CTNNA3: variants seen among roughly 807,000 people sequenced by gnomAD.
CTNNA3 encodes catenin alpha-3.
CTNNA3 carries 76 observed loss-of-function variants against 95.7 expected under a neutral mutation model. The ratio of observed to expected loss-of-function variants is 0.79; its 90% CI spans 0.66 to 0.96. The LOEUF (loss-of-function observed/expected upper bound fraction) is 0.96, where lower values mean the gene tolerates loss of function less well. Ranked by LOEUF, CTNNA3 falls within the 40% of genes least tolerant of loss-of-function variation. The pLI is 0.00. For synonymous variants in CTNNA3, 431 were observed against 374.4 expected (o/e 1.15, Z -1.74); for missense variants, 1,191 against 1,089.8 (o/e 1.09, Z -1.31).
At chr10:65,988,848 G>A in intron 15 of CTNNA3, 51 bp from the exon 16 acceptor site, 5 of 1,298,232 alleles carry the variant, frequency 3.9e-6, no homozygotes, top group South Asian at 1.2e-5. Flanking sequence ...GAAAATATAT[G>A]TTAGCTACGA....
At chr10:67,203,581 T>G (rs1472061163) in intron 6 of CTNNA3, among the ~76,000 whole-genome samples, 1 of 152,174 alleles carries the variant, frequency 6.6e-6, no homozygotes, top group East Asian at 1.9e-4. Flanking sequence ...TGTCAGTTCT[T>G]TTTTCATACC....
chr10:67,377,495 TA>T, intron 5 of CTNNA3, among the ~76,000 whole-genome samples: 2 of 152,340 alleles, frequency 1.3e-5, no homozygotes, highest in Admixed American at 1.3e-4. Flanking sequence ...AAAATTATTT[TA>T]CACTAACATT....
intron 8 of CTNNA3, among the ~76,000 whole-genome samples, chr10:66,770,096 G>T (rs1277573454): frequency 3.3e-5 from 5 of 152,136 alleles, no homozygotes; most frequent in Non-Finnish European, 7.4e-5. Flanking sequence ...ACTGGGTTTT[G>T]TTCTGCCATG....
rs144286671 is a variant in CTNNA3, at chr10:66,894,725, T to G, written c.1048-119201A>C. Among the ~76,000 whole-genome samples the G allele has an allele frequency of 3.5e-3, 540 of 152,114 alleles. 2 individuals are homozygous for G. The highest frequency in any genetic ancestry group is 0.012 in the African/African-American group (512 of 41,546). Reference sequence around the variant, plus strand: ...TATTTCTGATAATACGTATCACTGATTACATTGTAGATTTTTTCAAAGCAC... The same window carrying G: ...TATTTCTGATAATACGTATCACTGAGTACATTGTAGATTTTTTCAAAGCAC... On this transcript the variant is annotated intron_variant, in intron 7 of 17. Coordinates refer to ENST00000433211, the MANE Select transcript of CTNNA3 (RefSeq NM_013266.4).
intron 11 of CTNNA3, among the ~76,000 whole-genome samples, chr10:66,509,580 A>T (rs1840583334): frequency 6.6e-6 from 1 of 152,000 alleles, no homozygotes; most frequent in Non-Finnish European, 1.5e-5. Flanking sequence ...AATCTTCTGC[A>T]TATGAATATC....
chr10:66,204,094 C>A (rs949019574), intron 13 of CTNNA3, among the ~76,000 whole-genome samples: 6 of 152,140 alleles, frequency 3.9e-5, no homozygotes, highest in African/African-American at 1.2e-4. Context: ...ACCATCATCA[C>A]ACTCCAAAAG....
chr10:67,397,765 A>G (rs1400394843), intron 5 of CTNNA3, among the ~76,000 whole-genome samples: 3 of 152,298 alleles, frequency 2.0e-5, no homozygotes, highest in African/African-American at 7.2e-5. Context: ...TGCTGTATGC[A>G]GACTTGGGAC....
intron 9 of CTNNA3, among the ~76,000 whole-genome samples, chr10:66,717,051 C>T (rs577040417): frequency 1.2e-4 from 17 of 146,760 alleles, no homozygotes; most frequent in African/African-American, 4.1e-4. Flanking sequence ...AAAAAAAAAA[C>T]AGAAAACTGA....
At chr10:66,612,966 T>A (rs1344152518) in intron 10 of CTNNA3, among the ~76,000 whole-genome samples, 5 of 152,080 alleles carry the variant, frequency 3.3e-5, no homozygotes, top group Non-Finnish European at 7.4e-5. Context: ...ATTTTGATTA[T>A]AAACTTAATG....
At chr10:67,726,438 T>C (rs1232228930) in intron 1 of CTNNA3, among the ~76,000 whole-genome samples, 1 of 71,630 alleles carries the variant, frequency 1.4e-5, no homozygotes, top group African/African-American at 5.7e-5. Context: ...ATATCATATA[T>C]AATATATAAT....
At chr10:67,731,816 A>G (rs1841276085) in intron 1 of CTNNA3, among the ~76,000 whole-genome samples, 1 of 150,624 alleles carries the variant, frequency 6.6e-6, no homozygotes, top group Non-Finnish European at 1.5e-5. Context: ...AAAAAAAAAA[A>G]GATATTTTGC....
At chr10:67,105,325 T>C (rs1182427031) in intron 7 of CTNNA3, among the ~76,000 whole-genome samples, 1 of 152,086 alleles carries the variant, frequency 6.6e-6, no homozygotes, top group Non-Finnish European at 1.5e-5. Context: ...TTTCTATTAT[T>C]TCTCTAGAGA....
intron 5 of CTNNA3, among the ~76,000 whole-genome samples, chr10:67,273,041 T>C (rs1839045977): frequency 1.3e-5 from 2 of 152,174 alleles, no homozygotes; most frequent in Non-Finnish European, 2.9e-5. Flanking sequence ...GTAGTTACAA[T>C]TACACAGTTT....
At chr10:67,210,081 G>T (rs919278209) in intron 6 of CTNNA3, among the ~76,000 whole-genome samples, 2 of 152,008 alleles carry the variant, frequency 1.3e-5, no homozygotes, top group Non-Finnish European at 2.9e-5. Context: ...AGCAAAGCAG[G>T]CAGATCACAA....
rs184518126 is a variant in CTNNA3, at chr10:66,618,402, C to T, written c.1374+3290G>A. Reference sequence around the variant, plus strand: ...AACAGAACAGAGCCCTCAGAAATAACGCTGCATATCTATAACTATCTGATC... The same window carrying T: ...AACAGAACAGAGCCCTCAGAAATAATGCTGCATATCTATAACTATCTGATC... On this transcript the variant is annotated intron_variant, in intron 10 of 17. Transcript: ENST00000433211. Among the ~76,000 whole-genome samples, 618 of 151,892 alleles carry T rather than the reference C, an allele frequency of 4.1e-3. 7 individuals are homozygous for T. Among genetic ancestry groups the T allele is most frequent in the African/African-American group, 0.013 (544 of 41,396 alleles).
At chr10:67,441,448 C>A (rs1341929478) in intron 5 of CTNNA3, among the ~76,000 whole-genome samples, 1 of 151,966 alleles carries the variant, frequency 6.6e-6, no homozygotes, top group Non-Finnish European at 1.5e-5. Context: ...TATCAACATT[C>A]AAATACAAGA....
At chr10:67,681,935 A>G (rs1840632794) in intron 1 of CTNNA3, among the ~76,000 whole-genome samples, 1 of 152,034 alleles carries the variant, frequency 6.6e-6, no homozygotes. Flanking sequence ...AGGGAGATGG[A>G]TCACAAGGTC....
intron 5 of CTNNA3, among the ~76,000 whole-genome samples, chr10:67,416,542 AGCTT>A (rs768317803): frequency 5.7e-5 from 8 of 140,108 alleles, no homozygotes; most frequent in Non-Finnish European, 1.2e-4. Flanking sequence ...CGGGGGGCGG[AGCTT>A]GCAGTGAGCC....
At position 67,230,826 on chromosome 10, in the gene CTNNA3, G is replaced by A. The variant is rs74750070; in HGVS notation, c.580-10956C>T. ...AGGTCAGTGTGTGCACACACCGTGC[G>A]CGAGCCGAAGCAGGGTGAGGCATTG... On this transcript the variant is annotated intron_variant, in intron 5 of 17. Coordinates refer to ENST00000433211, the MANE Select transcript of CTNNA3 (RefSeq NM_013266.4). Among the ~76,000 whole-genome samples, 5 of 152,314 alleles carry A rather than the reference G, an allele frequency of 3.3e-5. No individual in the cohort carries two copies. In the East Asian group the frequency reaches 7.8e-4, roughly 24 times the overall value.
Sources: gnomAD v4.1 joint callset for allele counts (sites outside exome capture counted in the v4.1 genomes callset) on GRCh38, gnomAD v4.1.1 for gene constraint, MANE v1.5 for transcripts, NCBI Gene and HGNC (gene_info 2026-07-23, HGNC 2026-07-21) for gene names.